The following MAP3K2 variants were observed in gnomAD, a reference collection of about 807,000 sequenced individuals.
MAP3K2 encodes the protein mitogen-activated protein kinase kinase kinase 2, also known as MAP/ERK kinase kinase 2.
In MAP3K2, 24 loss-of-function variants were observed where a neutral mutation model predicts 80.3. The observed-to-expected ratio is 0.30, with a 90% confidence interval of 0.22 to 0.42. The LOEUF is 0.42. Ranked by LOEUF, MAP3K2 falls within the 10% of genes least tolerant of loss-of-function variation. The pLI is 1.00. For synonymous variants in MAP3K2, 244 were observed against 253.7 expected (o/e 0.96, Z 0.36); for missense variants, 608 against 750.1 (o/e 0.81, Z 2.21).
In MAP3K2 at chr2:127,305,658, T is replaced by C. The variant is rs1685681634; in HGVS notation, c.*1921A>G. 1.3e-5 allele frequency: 2 copies of C among 152,168 alleles called. No individual in the cohort carries two copies. The highest frequency in any genetic ancestry group is 1.3e-4 in the Admixed American group (2 of 15,274). The allele number at this position is 152,168 out of a possible 1,614,324, so 9.4% of individuals were successfully genotyped here. On this transcript the variant is annotated 3_prime_UTR_variant, in exon 17 of 17. Coordinates refer to ENST00000682094, the MANE Select transcript of MAP3K2 (RefSeq NM_001371910.2). ...GGGATTCTGGGGCCTCCAGGAAGAC[T>C]GTTGTTTTCTAGACCTTTAAAATAA...
At chr2:127,327,356 A>C (rs10180087) in intron 7 of MAP3K2, among the ~76,000 whole-genome samples, 1 of 152,166 alleles carries the variant, frequency 6.6e-6, no homozygotes, top group Non-Finnish European at 1.5e-5. Flanking sequence ...AGGAAAAAGA[A>C]AGCAAAATTA....
Position 127,300,723 on chromosome 2 carries a change from T to C in MAP3K2, c.*6856A>G, listed in dbSNP as rs548336038. The C allele has an allele frequency of 1.1e-4, 17 of 152,340 alleles. No homozygotes were observed. The highest frequency in any genetic ancestry group is 4.1e-4 in the African/African-American group (17 of 41,594). 9.4% of individuals were successfully genotyped at this position (152,340 alleles called of 1,614,324 possible). ...GTCTTTAAAGAAGTATTCTTATCCT[T>C]AGACACTGTACTTTCAATTGAATAG... is the stretch of plus-strand genomic sequence containing the variant. On this transcript the variant is annotated 3_prime_UTR_variant, in exon 17 of 17. Transcript: ENST00000682094.
At position 127,364,073 on chromosome 2, in the gene MAP3K2, T is replaced by C. The variant is rs1442893131; in HGVS notation, c.-65-20879A>G. On this transcript the variant is annotated intron_variant, in intron 1 of 16. Coordinates refer to ENST00000682094, the MANE Select transcript of MAP3K2 (RefSeq NM_001371910.2). The surrounding 1 kb of genome is among the most constrained non-coding windows in gnomAD (Gnocchi z 4.1). ...GCAAATTTGACTCTCCTTACAACCATAACATAATATAGCACACATATGTTT... is the reference window on the plus strand; with the variant it reads ...GCAAATTTGACTCTCCTTACAACCACAACATAATATAGCACACATATGTTT... Among the ~76,000 whole-genome samples the C allele has an allele frequency of 6.6e-6, 1 of 152,182 alleles. No homozygotes were observed. Among genetic ancestry groups the C allele is most frequent in the Non-Finnish European group, 1.5e-5 (1 of 68,030 alleles).
intron 1 of MAP3K2, among the ~76,000 whole-genome samples, chr2:127,359,143 G>GT (rs1264476305): frequency 6.6e-6 from 1 of 152,054 alleles, no homozygotes; most frequent in Non-Finnish European, 1.5e-5. Context: ...ATACAACACT[G>GT]TATCTGTCAA....
chr2:127,349,807 T>C (rs1415470337), intron 1 of MAP3K2, among the ~76,000 whole-genome samples: 3 of 152,158 alleles, frequency 2.0e-5, no homozygotes, highest in Non-Finnish European at 2.9e-5. Context: ...CACAAAGTGG[T>C]TGGGGAAGTT....
intron 1 of MAP3K2, among the ~76,000 whole-genome samples, chr2:127,345,910 G>A (rs769826842): frequency 2.0e-4 from 31 of 151,904 alleles, no homozygotes; most frequent in Non-Finnish European, 4.1e-4. Context: ...CAAGAAGGAT[G>A]TCAAATCAAT....
chr2:127,347,729 A>G (rs1686623461), intron 1 of MAP3K2, among the ~76,000 whole-genome samples: 1 of 152,188 alleles, frequency 6.6e-6, no homozygotes, highest in Non-Finnish European at 1.5e-5. Context: ...GCAGAAACGG[A>G]AAACTGATCC....
intron 10 of MAP3K2, 73 bp downstream of exon 10, chr2:127,324,101 C>T (rs1439584363): frequency 8.7e-7 from 1 of 1,149,656 alleles, no homozygotes; most frequent in South Asian, 1.6e-5. Context: ...TCAAAAATCC[C>T]CCCTCTCCCT....
At chr2:127,323,709 T>C (rs554497697) in intron 11 of MAP3K2, among the ~76,000 whole-genome samples, 193 bp downstream of exon 11, 7 of 152,350 alleles carry the variant, frequency 4.6e-5, no homozygotes, top group Admixed American at 1.3e-4. Flanking sequence ...AATTATTCAT[T>C]TTCTTTTAAG....
In MAP3K2 at chr2:127,343,191, T is replaced by C. The variant is rs907262144; in HGVS notation, c.-62A>G. ...ATGGTTCTCCCATCAGCATTCTTTA[T>C]GGCCTGAGAAGATAAAACAGATCAG... On this transcript the variant is annotated 5_prime_UTR_variant, in exon 2 of 17. Transcript: ENST00000682094. 2.0e-5 allele frequency: 27 copies of C among 1,341,504 alleles called. No homozygotes were observed. The highest frequency in any genetic ancestry group is 2.7e-5 in the Non-Finnish European group (26 of 962,652). 83.1% of individuals were successfully genotyped at this position (1,341,504 alleles called of 1,614,324 possible).
chr2:127,359,904 C>T (rs575850220), intron 1 of MAP3K2, among the ~76,000 whole-genome samples: 2 of 152,230 alleles, frequency 1.3e-5, no homozygotes, highest in African/African-American at 4.8e-5. Context: ...GAACTGTGAG[C>T]CAATTAAACC....
chr2:127,346,279 A>G (rs1188185592), intron 1 of MAP3K2, among the ~76,000 whole-genome samples: 7 of 151,854 alleles, frequency 4.6e-5, no homozygotes, highest in African/African-American at 1.7e-4. Context: ...TCGACTCATC[A>G]AGAAGAAATT....
chr2:127,307,522 GAGA>G lies in MAP3K2; in HGVS notation c.*54_*56del. The stretch of plus-strand genomic sequence containing the variant: ...TATAAAAAAGAAAAGTGCAGTCAGA[GAGA>G]AGGTGAATGAATAGATGGGAGCTAG... On this transcript the variant is annotated 3_prime_UTR_variant, in exon 17 of 17. Transcript: ENST00000682094. The surrounding 1 kb of genome is among the most constrained non-coding windows in gnomAD (Gnocchi z 5.4). 2 of 1,115,534 alleles carry G rather than the reference GAGA, an allele frequency of 1.8e-6. No homozygotes were observed. The highest frequency in any genetic ancestry group is 2.5e-6 in the Non-Finnish European group (2 of 785,504). The allele number at this position is 1,115,534 out of a possible 1,614,324, so 69.1% of individuals were successfully genotyped here.
At chr2:127,331,422 T>C (rs1204871756) in intron 5 of MAP3K2, among the ~76,000 whole-genome samples, 2 of 152,192 alleles carry the variant, frequency 1.3e-5, no homozygotes, top group African/African-American at 4.8e-5. Flanking sequence ...TGAATTAATT[T>C]GGGGTCTCTA....
At chr2:127,326,926 A>G in intron 7 of MAP3K2, 109 bp from the exon 8 acceptor site, 1 of 666,092 alleles carries the variant, frequency 1.5e-6, no homozygotes. Flanking sequence ...AGCAAAAGAA[A>G]ATTCAATTTT....
At chr2:127,385,971 T>C (rs1229590297) in intron 1 of MAP3K2, among the ~76,000 whole-genome samples, 3 of 152,248 alleles carry the variant, frequency 2.0e-5, no homozygotes, top group Non-Finnish European at 4.4e-5. Flanking sequence ...AATGATATCA[T>C]ATACAACATA....
rs549945407 is a variant in MAP3K2, at chr2:127,387,612, G to A, written c.-226C>T. The A allele has an allele frequency of 5.1e-6, 5 of 985,032 alleles. No homozygotes were observed. The highest frequency in any genetic ancestry group is 6.2e-5 in the Admixed American group (1 of 16,252). 61.0% of individuals were successfully genotyped at this position (985,032 alleles called of 1,614,324 possible). On this transcript the variant is annotated 5_prime_UTR_variant, in exon 1 of 17. Transcript: ENST00000682094. The stretch of plus-strand genomic sequence containing the variant: ...GGGGCGCGCGAGGAGTCGGGCGCGG[G>A]CCTTGGGGCCAGGCCCGTCCCTCTT...
chr2:127,319,147 C>T (rs577229507), intron 12 of MAP3K2, among the ~76,000 whole-genome samples: 3 of 150,718 alleles, frequency 2.0e-5, no homozygotes, highest in Admixed American at 6.7e-5. Flanking sequence ...CCCTAAGAAA[C>T]GAGAGCCTTC....
intron 7 of MAP3K2, among the ~76,000 whole-genome samples, 190 bp downstream of exon 7, chr2:127,329,731 G>A (rs1327538887): frequency 6.6e-6 from 1 of 152,120 alleles, no homozygotes; most frequent in Non-Finnish European, 1.5e-5. Flanking sequence ...ATTTAAATTG[G>A]AGATTACTAA....
Sources: allele counts gnomAD v4.1 joint callset (sites outside exome capture counted in the v4.1 genomes callset), GRCh38; gene constraint gnomAD v4.1.1; non-coding constraint Gnocchi (gnomAD v3.1); transcripts MANE v1.5; gene names NCBI Gene and HGNC (gene_info 2026-07-23, HGNC 2026-07-21).